The following PHACTR1 variants were observed in gnomAD, a reference collection of about 807,000 sequenced individuals.
PHACTR1 encodes RPEL repeat containing 1.
In PHACTR1, 16 loss-of-function variants were observed where a neutral mutation model predicts 69.2. The observed-to-expected ratio is 0.23, with a 90% CI of 0.16 to 0.35. The LOEUF is 0.35. Ranked by LOEUF, PHACTR1 falls within the 10% of genes least tolerant of loss-of-function variation. The pLI is 1.00. For missense variants in PHACTR1, 510 were observed against 734.7 expected (o/e 0.69, Z 3.54); for synonymous variants, 312 against 284.5 (o/e 1.10, Z -0.97).
At chr6:12,950,990 C>T (rs922409797) in intron 4 of PHACTR1, among the ~76,000 whole-genome samples, 5 of 152,268 alleles carry the variant, frequency 3.3e-5, no homozygotes, top group Admixed American at 6.5e-5. Flanking sequence ...GAGAATTAGA[C>T]GGACCAACAA....
intron 4 of PHACTR1, among the ~76,000 whole-genome samples, chr6:12,822,067 A>G (rs1350628206): frequency 6.6e-6 from 1 of 152,206 alleles, no homozygotes; most frequent in East Asian, 1.9e-4. Context: ...AGGAGAGTTT[A>G]TCATGTGGCC....
At chr6:12,782,706 A>G (rs1770992802) in intron 4 of PHACTR1, among the ~76,000 whole-genome samples, 1 of 152,250 alleles carries the variant, frequency 6.6e-6, no homozygotes, top group African/African-American at 2.4e-5. Context: ...GGCCAGCCAT[A>G]GAATTAAAAA....
At chr6:12,956,132 A>G (rs1378065408) in intron 4 of PHACTR1, among the ~76,000 whole-genome samples, 2 of 152,206 alleles carry the variant, frequency 1.3e-5, no homozygotes, top group Non-Finnish European at 2.9e-5. Flanking sequence ...AAAAACCCAT[A>G]CAAGGCTGAC....
chr6:12,954,521 G>A (rs1481237678), intron 4 of PHACTR1, among the ~76,000 whole-genome samples: 1 of 151,634 alleles, frequency 6.6e-6, no homozygotes, highest in African/African-American at 2.4e-5. Context: ...AAGATTGAGG[G>A]GTCTATTAGG....
chr6:12,844,032 C>A (rs13192344), intron 4 of PHACTR1, among the ~76,000 whole-genome samples: 28,733 of 152,110 alleles, frequency 0.19, 2,923 homozygotes, highest in African/African-American at 0.26. Flanking sequence ...AGACATGAAA[C>A]TAAAAGTTAT....
At chr6:12,888,922 A>T (rs551943136) in intron 4 of PHACTR1, among the ~76,000 whole-genome samples, 2 of 152,342 alleles carry the variant, frequency 1.3e-5, no homozygotes, top group South Asian at 4.1e-4. Context: ...GATGAAATGT[A>T]TGTCATACCC....
chr6:13,076,927 C>T lies in PHACTR1; in HGVS notation c.415+23398C>T, dbSNP rs528574676. ...ACAATGGTAGTTGAAAGTGATATCA[C>T]ACTCTGGGGACTGCGGTGGGGTGGG... On this transcript the variant is annotated intron_variant, in intron 5 of 14. Coordinates refer to ENST00000332995, the MANE Select transcript of PHACTR1 (RefSeq NM_030948.6). Among the ~76,000 whole-genome samples, 7 of 124,850 alleles carry T rather than the reference C, an allele frequency of 5.6e-5. 1 individual carries two copies. In the East Asian group the frequency reaches 1.7e-3, roughly 30 times the overall value. The allele number at this position is 124,850 out of a possible 152,430, so 81.9% of individuals were successfully genotyped here.
At chr6:12,954,912 A>C (rs1791698804) in intron 4 of PHACTR1, among the ~76,000 whole-genome samples, 1 of 152,208 alleles carries the variant, frequency 6.6e-6, no homozygotes, top group South Asian at 2.1e-4. Context: ...TGGCCATCTA[A>C]TGTGATAACC....
chr6:13,092,075 G>A (rs1813373800), intron 5 of PHACTR1, among the ~76,000 whole-genome samples: 1 of 152,180 alleles, frequency 6.6e-6, no homozygotes, highest in Admixed American at 6.5e-5. Flanking sequence ...TGGGATTACA[G>A]GCATGAGCCA....
At chr6:12,856,476 T>C (rs1343284318) in intron 4 of PHACTR1, among the ~76,000 whole-genome samples, 1 of 152,100 alleles carries the variant, frequency 6.6e-6, no homozygotes, top group Non-Finnish European at 1.5e-5. Context: ...GATGGTCTTC[T>C]CGATCTCCTG....
chr6:12,867,520 C>T (rs1280152314), intron 4 of PHACTR1, among the ~76,000 whole-genome samples: 1 of 152,138 alleles, frequency 6.6e-6, no homozygotes, highest in Non-Finnish European at 1.5e-5. Context: ...GAATGAGGTA[C>T]AGAGATGGCA....
chr6:12,956,290 T>G (rs1791889629), intron 4 of PHACTR1, among the ~76,000 whole-genome samples: 1 of 152,058 alleles, frequency 6.6e-6, no homozygotes, highest in Non-Finnish European at 1.5e-5. Context: ...TGGGCTGGAG[T>G]GTTTTTTAAC....
Position 13,074,616 on chromosome 6 carries a change from A to G in PHACTR1, c.415+21087A>G, listed in dbSNP as rs142436529. Among the ~76,000 whole-genome samples the G allele has an allele frequency of 2.1e-3, 317 of 152,374 alleles. 2 individuals are homozygous for G. Among genetic ancestry groups the G allele is most frequent in the African/African-American group, 7.5e-3 (312 of 41,582 alleles). ...AGGCCATGCCCAGAAGAAATGGCAA[A>G]TTGCCAGGAATTTAACCTACATATA... On this transcript the variant is annotated intron_variant, in intron 5 of 14. Transcript: ENST00000332995.
intron 4 of PHACTR1, among the ~76,000 whole-genome samples, chr6:12,766,196 C>T (rs1283259576): frequency 6.6e-6 from 1 of 152,204 alleles, no homozygotes; most frequent in East Asian, 1.9e-4. Context: ...AGAGGCTGTC[C>T]TTCAACTCCA....
At chr6:13,259,236 A>G (rs1328907341) in intron 10 of PHACTR1, among the ~76,000 whole-genome samples, 3 of 152,212 alleles carry the variant, frequency 2.0e-5, no homozygotes, top group Admixed American at 6.5e-5. Flanking sequence ...TCATCCTGAC[A>G]TGGGGTTTAT....
At chr6:12,758,009 G>A (rs1362595061) in intron 4 of PHACTR1, among the ~76,000 whole-genome samples, 2 of 152,174 alleles carry the variant, frequency 1.3e-5, no homozygotes, top group Non-Finnish European at 2.9e-5. Context: ...CTCCTCTGGA[G>A]GCTGAGGCAG....
chr6:12,774,652 G>A (rs148512082), intron 4 of PHACTR1, among the ~76,000 whole-genome samples: 12 of 152,168 alleles, frequency 7.9e-5, no homozygotes, highest in Middle Eastern at 3.4e-3. Context: ...CACCTGTCTC[G>A]TCCACCCAAA....
chr6:13,120,620 G>A (rs530813984), intron 5 of PHACTR1, among the ~76,000 whole-genome samples: 2 of 152,286 alleles, frequency 1.3e-5, no homozygotes, highest in South Asian at 4.1e-4. Context: ...GGACCTCCTT[G>A]CTTCCTTGAC....
At chr6:12,910,357 T>A (rs1786250372) in intron 4 of PHACTR1, among the ~76,000 whole-genome samples, 1 of 152,228 alleles carries the variant, frequency 6.6e-6, no homozygotes, top group South Asian at 2.1e-4. Context: ...AGGTGTCTAG[T>A]GATAGGTGTC....
Sources: gnomAD v4.1 joint callset for allele counts (sites outside exome capture counted in the v4.1 genomes callset) on GRCh38, gnomAD v4.1.1 for gene constraint, MANE v1.5 for transcripts, NCBI Gene and HGNC (gene_info 2026-07-23, HGNC 2026-07-21) for gene names.